Variants in ADCY7 observed in about 807,000 individuals in gnomAD.
The protein encoded by ADCY7 is adenylate cyclase 7.
Under a neutral mutation model 120.6 loss-of-function variants are expected in ADCY7, and 72 were observed. That is an observed-to-expected ratio of 0.60 (90% confidence interval 0.49 to 0.73). The LOEUF (loss-of-function observed/expected upper bound fraction) is 0.73. Ranked by LOEUF, ADCY7 falls within the 30% of genes least tolerant of loss-of-function variation. The probability of loss-of-function intolerance (pLI) is 0.00; values close to 1 mark genes in which losing one functional copy is unlikely to be tolerated. For synonymous variants in ADCY7, 661 were observed against 628.0 expected, an observed-to-expected ratio of 1.05 and a Z score of -0.78; for missense variants, 1,227 against 1,486.0, an observed-to-expected ratio of 0.83 and a Z score of 2.87.
chr16:50,298,245 C>T (rs1382685256), intron 7 of ADCY7, among the ~76,000 whole-genome samples: 1 of 152,162 alleles, frequency 6.6e-6, no homozygotes, highest in Non-Finnish European at 1.5e-5. Context: ...ACCCCCCACT[C>T]CTGCAGCCTC....
rs778747763 is a variant in ADCY7, at chr16:50,301,106, G to A, written c.1260G>A (p.Thr420=). ...GCCGGGTGCACATCACGGAGGCCACGCTAAAGCACCTGGACAAGGCGTACG... is the reference window on the plus strand; with the variant it reads ...GCCGGGTGCACATCACGGAGGCCACACTAAAGCACCTGGACAAGGCGTACG... ...VPGRVHITEA[T]LKHLDKAYEV... is the part of the protein sequence containing the mutation. Residue 420 remains threonine (T), a synonymous_variant, in exon 10 of 26, where the codon ACG becomes ACA. Transcript: ENST00000673801. The A allele has an allele frequency of 1.5e-5, 24 of 1,613,822 alleles. No individual in the cohort carries two copies. Among genetic ancestry groups the A allele is most frequent in the Admixed American group, 3.3e-5 (2 of 59,984 alleles).
At chr16:50,290,021 G>C (rs936348224) in intron 2 of ADCY7, among the ~76,000 whole-genome samples, 1 of 152,210 alleles carries the variant, frequency 6.6e-6, no homozygotes, top group African/African-American at 2.4e-5. Flanking sequence ...CTCCCCTGTG[G>C]GATGACTTTT....
intron 18 of ADCY7, 59 bp downstream of exon 18, chr16:50,309,705 G>A (rs1251661898): frequency 1.4e-6 from 2 of 1,461,704 alleles, no homozygotes; most frequent in Admixed American, 3.9e-5. Context: ...TGCTGCCAGA[G>A]GTGTAGTTTG....
chr16:50,304,487 A>G lies in ADCY7; in HGVS notation c.1496A>G (p.His499Arg). 1 of 1,607,804 alleles carries G rather than the reference A, an allele frequency of 6.2e-7. No homozygotes were observed. Among genetic ancestry groups the G allele is most frequent in the Non-Finnish European group, 8.5e-7 (1 of 1,177,300 alleles). Residue 499 changes from histidine to arginine, a missense_variant, in exon 11 of 26, where the codon CAT becomes CGT. This residue lies in a region of ADCY7 where 332 missense variants were observed against 455.8 expected (regional missense o/e 0.73). Transcript: ENST00000673801. ...ESWGAARPFA[H>R]LNHRESVSSG... ...TGGGGGGCGGCACGGCCCTTTGCAC[A>G]TCTCAACCACCGTGAGAGCGTGAGC... is the stretch of plus-strand genomic sequence containing the variant.
At chr16:50,272,997 T>G (rs2033669002) in intron 1 of ADCY7, among the ~76,000 whole-genome samples, 2 of 152,166 alleles carry the variant, frequency 1.3e-5, no homozygotes, top group African/African-American at 2.4e-5. Context: ...GGCTCAGCTC[T>G]CCTGGGCATG....
intron 6 of ADCY7, 120 bp from the exon 7 acceptor site, chr16:50,294,520 C>G (rs939831815): frequency 1.6e-6 from 1 of 633,758 alleles, no homozygotes; most frequent in East Asian, 2.8e-5. Flanking sequence ...TGAGGAAGGA[C>G]GGGGGTGAAT....
At chr16:50,262,405 C>T (rs1012752274), upstream of ADCY7, among the ~76,000 whole-genome samples, 3 of 151,808 alleles carry the variant, frequency 2.0e-5, no homozygotes, top group Admixed American at 6.6e-5. Context: ...TTCAGGTGCC[C>T]GCCACAATGC....
intron 21 of ADCY7, 89 bp from the exon 22 acceptor site, chr16:50,312,801 C>T: frequency 7.7e-7 from 1 of 1,292,326 alleles, no homozygotes; most frequent in Non-Finnish European, 1.1e-6. Flanking sequence ...CTGGGCAGTT[C>T]AGCAGTGCCA....
At chr16:50,250,723 G>C (rs2032734037) in intron 1 of ADCY7, among the ~76,000 whole-genome samples, 1 of 152,166 alleles carries the variant, frequency 6.6e-6, no homozygotes, top group Admixed American at 6.5e-5. Flanking sequence ...ATGGGCTGTA[G>C]ATTAAAGTAT....
At chr16:50,260,332 T>A (rs2033027435) in intron 1 of ADCY7, among the ~76,000 whole-genome samples, 1 of 152,132 alleles carries the variant, frequency 6.6e-6, no homozygotes, top group Admixed American at 6.5e-5. Flanking sequence ...ATGAATAAGT[T>A]CAGGTTCTTT....
Position 50,308,333 on chromosome 16 carries a change from G to A in ADCY7, c.1857G>A (p.Ala619=), listed in dbSNP as rs557970368. Residue 619 remains alanine (A), a synonymous_variant, in exon 16 of 26, where the codon GCG becomes GCA. Coordinates refer to ENST00000673801, the MANE Select transcript of ADCY7 (RefSeq NM_001114.5). Reference sequence around the variant, plus strand: ...GTTCTTCCCTCCTCTCCAGGACGGCGGCACTGGGTGTGTCCTTCGGGCTGG... The same window carrying A: ...GTTCTTCCCTCCTCTCCAGGACGGCAGCACTGGGTGTGTCCTTCGGGCTGG... The part of the protein sequence containing the change: ...LVHVLLMPRT[A]ALGVSFGLVA... 3.2e-5 allele frequency: 52 copies of A among 1,614,190 alleles called. No individual in the cohort carries two copies. The Middle Eastern group carries it at 9.9e-4, about 31-fold the overall frequency.
rs535916667 is a variant in ADCY7, at chr16:50,314,414, C to T, written c.2971+8C>T. On this transcript the variant is annotated splice_region_variant and intron_variant, in intron 24 of 25. Transcript: ENST00000673801. ...CCTTCCGCCTCCGCGTCGGTGAGCC[C>T]GGGTGATGGAGCGGGGTGGGGAGCC... 28 of 1,611,190 alleles carry T rather than the reference C, an allele frequency of 1.7e-5. No homozygotes were observed. The highest frequency in any genetic ancestry group is 5.3e-5 in the African/African-American group (4 of 75,020).
Position 50,298,274 on chromosome 16 carries a change from C to T in ADCY7, c.949-630C>T, listed in dbSNP as rs113977162. On this transcript the variant is annotated intron_variant, in intron 7 of 25. Coordinates refer to ENST00000673801, the MANE Select transcript of ADCY7 (RefSeq NM_001114.5). ...CAGCCTCCTGGCTACCTCGCAGTCT[C>T]TTCCCCAGCTTTGTGGCCCCAGGGC... 3.7e-3 allele frequency among the ~76,000 whole-genome samples: 571 copies of T among 152,272 alleles called. 7 individuals are homozygous for T. Among genetic ancestry groups the T allele is most frequent in the African/African-American group, 0.013 (520 of 41,534 alleles).
intron 2 of ADCY7, chr16:50,289,389 G>A (rs932484557): frequency 2.4e-6 from 1 of 410,806 alleles, no homozygotes; most frequent in Non-Finnish European, 4.8e-6. Flanking sequence ...TGTCATTTCC[G>A]GCCCAGGCAC....
chr16:50,263,578 C>T (rs1466488026), upstream of ADCY7, among the ~76,000 whole-genome samples: 2 of 152,152 alleles, frequency 1.3e-5, no homozygotes, highest in Non-Finnish European at 2.9e-5. Flanking sequence ...TTCACACACT[C>T]CCTGCTCTAT....
At chr16:50,302,816 C>T (rs1481513358) in intron 10 of ADCY7, among the ~76,000 whole-genome samples, 1 of 152,178 alleles carries the variant, frequency 6.6e-6, no homozygotes, top group African/African-American at 2.4e-5. Flanking sequence ...TGCATTTTTC[C>T]TACCTTGGGG....
chr16:50,315,592 T>A lies in ADCY7; in HGVS notation c.*87T>A. The A allele has an allele frequency of 1.3e-6, 2 of 1,520,372 alleles. No individual in the cohort carries two copies. The highest frequency in any genetic ancestry group is 3.7e-5 in the Admixed American group (2 of 54,136). 94.2% of individuals were successfully genotyped at this position (1,520,372 alleles called of 1,614,324 possible). Reference sequence around the variant, plus strand: ...GAGAAGACTCTCCGCCCCACGCCAATCCCAAAGGCATGCAGATGGCTGTGC... The same window carrying A: ...GAGAAGACTCTCCGCCCCACGCCAAACCCAAAGGCATGCAGATGGCTGTGC... On this transcript the variant is annotated 3_prime_UTR_variant, in exon 26 of 26. Transcript: ENST00000673801.
intron 13 of ADCY7, 43 bp from the exon 14 acceptor site, chr16:50,305,734 C>T: frequency 1.9e-6 from 3 of 1,564,314 alleles, no homozygotes; most frequent in South Asian, 2.2e-5. Context: ...GGGAATGGAC[C>T]CCTTCCCAGC....
chr16:50,258,874 G>C (rs2032988063), intron 1 of ADCY7, among the ~76,000 whole-genome samples: 4 of 152,098 alleles, frequency 2.6e-5, no homozygotes, highest in Admixed American at 2.6e-4. Context: ...GGAATTACAA[G>C]CATGAGCCAC....
Sources: allele counts gnomAD v4.1 joint callset (sites outside exome capture counted in the v4.1 genomes callset), GRCh38; gene constraint gnomAD v4.1.1; regional missense constraint gnomAD v4.1.1; transcripts MANE v1.5; gene names NCBI Gene and HGNC (gene_info 2026-07-23, HGNC 2026-07-21).